The following NFATC3 variants were observed in gnomAD, a reference collection of about 807,000 sequenced individuals.
The protein encoded by NFATC3 is nuclear factor of activated T cells 3, also known as nuclear factor of activated T-cells, cytoplasmic 3.
Under a neutral mutation model 98.6 loss-of-function variants are expected in NFATC3, and 46 were observed. That is an observed-to-expected ratio of 0.47 (90% confidence interval 0.37 to 0.60). The LOEUF (loss-of-function observed/expected upper bound fraction) is 0.60. Ranked by LOEUF, NFATC3 falls within the 20% of genes least tolerant of loss-of-function variation. The pLI is 0.00. For missense variants in NFATC3, 1,256 were observed against 1,295.5 expected (o/e 0.97, Z 0.47); for synonymous variants, 512 against 472.2 (o/e 1.08, Z -1.09).
intron 8 of NFATC3, among the ~76,000 whole-genome samples, chr16:68,186,680 A>G (rs930333034): frequency 2.0e-5 from 3 of 152,380 alleles, no homozygotes; most frequent in African/African-American, 2.4e-5. Flanking sequence ...ACTAGCCCAT[A>G]TATAGTTTTG....
At chr16:68,141,273 T>C (rs2151540813) in intron 3 of NFATC3, among the ~76,000 whole-genome samples, 1 of 152,360 alleles carries the variant, frequency 6.6e-6, no homozygotes, top group East Asian at 1.9e-4. Flanking sequence ...AATGTATGTA[T>C]GCAGGTGTCT....
chr16:68,225,444 G>C (rs1296863057), intron 9 of NFATC3: 1 of 152,144 alleles, frequency 6.6e-6, no homozygotes, highest in African/African-American at 2.4e-5. Context: ...TTAGCAGACT[G>C]TTTTCAAGGC....
chr16:68,163,292 C>T (rs1201126477), intron 4 of NFATC3, among the ~76,000 whole-genome samples: 1 of 151,478 alleles, frequency 6.6e-6, no homozygotes, highest in Non-Finnish European at 1.5e-5. Flanking sequence ...CAGAGGGGCT[C>T]CTCACTTCCC....
chr16:68,175,120 T>G (rs1455741346), intron 6 of NFATC3, among the ~76,000 whole-genome samples: 1 of 152,224 alleles, frequency 6.6e-6, no homozygotes, highest in African/African-American at 2.4e-5. Flanking sequence ...TCATACATGC[T>G]ACAGCATGGA....
intron 3 of NFATC3, among the ~76,000 whole-genome samples, chr16:68,156,090 C>G (rs577612240): frequency 6.6e-6 from 1 of 151,960 alleles, no homozygotes; most frequent in Non-Finnish European, 1.5e-5. Context: ...AGGGGTGGAT[C>G]GCCTGAGGTC....
intron 3 of NFATC3, among the ~76,000 whole-genome samples, chr16:68,127,138 G>A (rs778358529): frequency 7.9e-5 from 12 of 152,118 alleles, no homozygotes; most frequent in Admixed American, 5.9e-4. Flanking sequence ...GCTTGAACCC[G>A]GGAGGCAGAG....
At chr16:68,131,541 G>A (rs2037113812) in intron 3 of NFATC3, among the ~76,000 whole-genome samples, 2 of 152,234 alleles carry the variant, frequency 1.3e-5, no homozygotes, top group East Asian at 3.9e-4. Flanking sequence ...GCCTCCCAGA[G>A]TGCTGGGATT....
In NFATC3 at chr16:68,226,948, A is replaced by G. The variant is rs2042053473; in HGVS notation, c.*477A>G. On this transcript the variant is annotated 3_prime_UTR_variant, in exon 10 of 10. Transcript: ENST00000346183. ...AGAAAAAAAAAGAAAAGAAAAAAAG[A>G]AAAAGAAAAAAATATCCCAAGCCCA... 1 of 151,326 alleles carries G rather than the reference A, an allele frequency of 6.6e-6. No individual in the cohort carries two copies. The highest frequency in any genetic ancestry group is 2.4e-5 in the African/African-American group (1 of 41,300). The allele number at this position is 151,326 out of a possible 1,614,324, so 9.4% of individuals were successfully genotyped here.
intron 1 of NFATC3, among the ~76,000 whole-genome samples, chr16:68,094,355 A>T (rs1293651393): frequency 6.6e-6 from 1 of 152,044 alleles, no homozygotes; most frequent in Non-Finnish European, 1.5e-5. Context: ...AAAATTCAGA[A>T]TTTTAAAAAT....
chr16:68,222,993 A>G (rs988299178), intron 9 of NFATC3, among the ~76,000 whole-genome samples: 2 of 152,180 alleles, frequency 1.3e-5, no homozygotes, highest in African/African-American at 4.8e-5. Context: ...TTGCGTTCTT[A>G]TGCCCACTTT....
At chr16:68,190,017 C>T (rs1010796449) in intron 8 of NFATC3, among the ~76,000 whole-genome samples, 1 of 152,038 alleles carries the variant, frequency 6.6e-6, no homozygotes, top group South Asian at 2.1e-4. Context: ...CCAGCCTGGC[C>T]GACAGAGTGA....
rs2042074561 is a variant in NFATC3 at position 68,228,293 on chromosome 16, C to T, written c.*1822C>T. 1 of 152,200 alleles carries T rather than the reference C, an allele frequency of 6.6e-6. No homozygotes were observed. The highest frequency in any genetic ancestry group is 1.5e-5 in the Non-Finnish European group (1 of 68,038). The allele number at this position is 152,200 out of a possible 1,614,324, so 9.4% of individuals were successfully genotyped here. A position where few individuals can be genotyped will look rare whatever the true frequency, so the allele number is the denominator to read the frequency against. Reference sequence around the variant, plus strand: ...AGAATGTGGATAGTGAGATTTGCTTCTGGGCCTGTGGTTGGACGCCCACAG... The same window carrying T: ...AGAATGTGGATAGTGAGATTTGCTTTTGGGCCTGTGGTTGGACGCCCACAG... On this transcript the variant is annotated 3_prime_UTR_variant, in exon 10 of 10. Coordinates refer to ENST00000346183, the MANE Select transcript of NFATC3 (RefSeq NM_173165.3).
At chr16:68,170,984 T>G (rs2151605346) in intron 5 of NFATC3, among the ~76,000 whole-genome samples, 1 of 152,304 alleles carries the variant, frequency 6.6e-6, no homozygotes, top group East Asian at 1.9e-4. Flanking sequence ...TTTTTTGGCA[T>G]GTTTATGCCA....
rs142390384 is a variant in NFATC3, at chr16:68,122,990, G to C, written c.1107G>C (p.Arg369=). 80 of 1,613,956 alleles carry C rather than the reference G, an allele frequency of 5.0e-5. No individual in the cohort carries two copies. Among genetic ancestry groups the C allele is most frequent in the Admixed American group, 6.7e-5 (4 of 59,982 alleles). Residue 369 remains arginine, a synonymous_variant, in exon 2 of 10, where the codon CGG becomes CGC. Transcript: ENST00000346183. ...ACCAAGGGAGTTTATCACCAGCCCG[G>C]GAGACTTCAATAGATGATGGCCTTG... The part of the protein sequence containing the change: ...SDDQGSLSPA[R]ETSIDDGLGS...
At chr16:68,211,220 G>T (rs925937040) in intron 9 of NFATC3, among the ~76,000 whole-genome samples, 7 of 151,776 alleles carry the variant, frequency 4.6e-5, no homozygotes, top group African/African-American at 1.7e-4. Context: ...ATGGAGTCTC[G>T]CTCTGTCGCC....
chr16:68,176,784 C>T lies in NFATC3; in HGVS notation c.1915+2270C>T, dbSNP rs1462557951. Among the ~76,000 whole-genome samples the T allele has an allele frequency of 4.6e-5, 7 of 151,984 alleles. No individual in the cohort carries two copies. The East Asian group carries it at 5.8e-4, about 13-fold the overall frequency. ...GACTTAAGGAATTCTTTATATATTC[C>T]GGATATCAGAGTGATTTGGGGGAAG... On this transcript the variant is annotated intron_variant, in intron 6 of 9. Transcript: ENST00000346183.
chr16:68,172,135 C>T (rs773542223), intron 5 of NFATC3, among the ~76,000 whole-genome samples: 6 of 152,126 alleles, frequency 3.9e-5, no homozygotes, highest in Non-Finnish European at 8.8e-5. Flanking sequence ...GCCTGGCCCA[C>T]GTAGGCATCT....
intron 9 of NFATC3, among the ~76,000 whole-genome samples, chr16:68,222,281 C>G (rs1192002529): frequency 4.3e-5 from 4 of 94,066 alleles, no homozygotes; most frequent in African/African-American, 1.3e-4. Context: ...AGAGTGAGAC[C>G]CCATTGCCAA....
intron 3 of NFATC3, among the ~76,000 whole-genome samples, chr16:68,152,434 C>T (rs967360465): frequency 8.0e-5 from 12 of 150,258 alleles, no homozygotes; most frequent in African/African-American, 1.7e-4. Context: ...AGCATTTGCT[C>T]GGAAGAGAAG....
Sources: allele counts gnomAD v4.1 joint callset (sites outside exome capture counted in the v4.1 genomes callset), GRCh38; gene constraint gnomAD v4.1.1; transcripts MANE v1.5; gene names NCBI Gene and HGNC (gene_info 2026-07-23, HGNC 2026-07-21).